The following FHIT variants were observed in gnomAD, a reference collection of about 807,000 sequenced individuals.
FHIT encodes the protein fragile histidine triad diadenosine triphosphatase.
A neutral mutation model predicts 17.9 loss-of-function variants in FHIT; 19 were observed. That is an observed-to-expected ratio of 1.06 (90% CI 0.74 to 1.56). The LOEUF is 1.56. FHIT is among the 40% of genes most tolerant of loss of function. FHIT has a pLI of 0.00. For synonymous variants in FHIT, 81 were observed against 69.7 expected, an observed-to-expected ratio of 1.16 and a Z score of -0.81; for missense variants, 248 against 189.2, an observed-to-expected ratio of 1.31 and a Z score of -1.82.
At chr3:60,292,042 A>G (rs2049847) in intron 5 of FHIT, among the ~76,000 whole-genome samples, 88,252 of 151,784 alleles carry the variant, frequency 0.58, 26,980 homozygotes, top group East Asian at 0.95. Flanking sequence ...CAGCCCTTAG[A>G]AATGACTACC....
chr3:60,525,617 G>C (rs542073200), intron 5 of FHIT, among the ~76,000 whole-genome samples: 16 of 152,278 alleles, frequency 1.1e-4, no homozygotes, highest in African/African-American at 3.6e-4. Flanking sequence ...TAACTATGTA[G>C]TCACTTTCCA....
At chr3:60,576,643 A>G (rs1259253085) in intron 4 of FHIT, among the ~76,000 whole-genome samples, 1 of 152,166 alleles carries the variant, frequency 6.6e-6, no homozygotes, top group African/African-American at 2.4e-5. Context: ...AAAAGTTCCT[A>G]TTTCAGAACA....
At chr3:60,642,506 C>T (rs1299303991) in intron 4 of FHIT, among the ~76,000 whole-genome samples, 18 of 152,134 alleles carry the variant, frequency 1.2e-4, no homozygotes, top group Non-Finnish European at 1.9e-4. Context: ...ATGGGGGAAA[C>T]GGTAAGGAGC....
intron 4 of FHIT, among the ~76,000 whole-genome samples, chr3:60,660,566 G>C (rs782619028): frequency 6.6e-6 from 1 of 151,832 alleles, no homozygotes; most frequent in Non-Finnish European, 1.5e-5. Flanking sequence ...CTCTAGGTGA[G>C]GAGATACATT....
chr3:61,059,372 CTTTTTTTTTTTT>C (rs201797361), intron 2 of FHIT, among the ~76,000 whole-genome samples: 3 of 113,280 alleles, frequency 2.6e-5, no homozygotes, highest in East Asian at 2.7e-4. Flanking sequence ...TTGCTTTTTC[CTTTTTTTTTTTT>C]TTTTTTTTTT....
chr3:60,590,177 T>C (rs1313558435), intron 4 of FHIT, among the ~76,000 whole-genome samples: 1 of 152,110 alleles, frequency 6.6e-6, no homozygotes, highest in East Asian at 1.9e-4. Flanking sequence ...AAATTTTTCT[T>C]GCTCAAGTCT....
At chr3:60,653,894 A>G (rs1577031376) in intron 4 of FHIT, among the ~76,000 whole-genome samples, 1 of 152,142 alleles carries the variant, frequency 6.6e-6, no homozygotes, top group Non-Finnish European at 1.5e-5. Flanking sequence ...GTTCCTGCCC[A>G]AATCTCTTCA....
rs1280944956 is a variant in FHIT, at chr3:60,134,128, T to C, written c.104-119976A>G. ...TGATATTAAAGAAAAGGGACAGAAG[T>C]ACTACTCAGTCACTGATCCAACTAT... is the stretch of plus-strand genomic sequence containing the variant. On this transcript the variant is annotated intron_variant, in intron 5 of 9. Transcript: ENST00000492590. Among the ~76,000 whole-genome samples, 4 of 152,100 alleles carry C rather than the reference T, an allele frequency of 2.6e-5. No individual in the cohort carries two copies. The East Asian group carries it at 7.7e-4, about 29-fold the overall frequency.
Position 60,540,420 on chromosome 3 carries a change from C to T in FHIT, c.-17-3441G>A, listed in dbSNP as rs558973504. 3.3e-5 allele frequency among the ~76,000 whole-genome samples: 5 copies of T among 152,330 alleles called. No individual in the cohort carries two copies. The South Asian group carries it at 1.0e-3, about 32-fold the overall frequency. On this transcript the variant is annotated intron_variant, in intron 4 of 9. Coordinates refer to ENST00000492590, the MANE Select transcript of FHIT (RefSeq NM_002012.4). ...TGGAAGTTCCAGAGGCCCAGACTTG[C>T]AACTGGTGTCTGAAAGTCAGGTGAC...
chr3:59,876,019 C>T (rs1027286103), intron 8 of FHIT, among the ~76,000 whole-genome samples: 2 of 151,556 alleles, frequency 1.3e-5, no homozygotes, highest in Non-Finnish European at 2.9e-5. Flanking sequence ...TTCTTTATTC[C>T]AGTATAGAGA....
At chr3:60,441,298 A>C (rs58044922) in intron 5 of FHIT, among the ~76,000 whole-genome samples, 4 of 151,932 alleles carry the variant, frequency 2.6e-5, no homozygotes, top group Non-Finnish European at 5.9e-5. Context: ...CAATGCAGGG[A>C]GTTTACTCAC....
intron 4 of FHIT, among the ~76,000 whole-genome samples, chr3:60,772,548 A>G (rs9842547): frequency 0.17 from 25,615 of 151,928 alleles, 3,284 homozygotes; most frequent in African/African-American, 0.37. Context: ...TGTCTTTAGC[A>G]TTCAAGCTGC....
intron 5 of FHIT, among the ~76,000 whole-genome samples, chr3:60,050,239 T>C (rs1053254035): frequency 3.9e-5 from 6 of 152,230 alleles, no homozygotes; most frequent in Non-Finnish European, 8.8e-5. Context: ...TCTTAGCTTG[T>C]ACTTTGTTCA....
At chr3:60,302,323 C>A (rs898366758) in intron 5 of FHIT, among the ~76,000 whole-genome samples, 2 of 152,026 alleles carry the variant, frequency 1.3e-5, no homozygotes, top group Non-Finnish European at 2.9e-5. Context: ...CTCCTCCTGG[C>A]ATATTTAATC....
At chr3:60,538,234 G>C (rs954580362) in intron 4 of FHIT, among the ~76,000 whole-genome samples, 2 of 152,124 alleles carry the variant, frequency 1.3e-5, no homozygotes, top group African/African-American at 4.8e-5. Flanking sequence ...ACTTATAAGG[G>C]ATGTGAAGGA....
chr3:59,838,970 T>C (rs578054713), intron 8 of FHIT, among the ~76,000 whole-genome samples: 126 of 152,112 alleles, frequency 8.3e-4, no homozygotes, highest in Non-Finnish European at 3.7e-4. Context: ...CTGGGTGACC[T>C]TTACTTAGGA....
intron 8 of FHIT, among the ~76,000 whole-genome samples, chr3:59,880,936 A>G (rs1450224557): frequency 2.6e-5 from 4 of 152,206 alleles, no homozygotes; most frequent in Non-Finnish European, 5.9e-5. Flanking sequence ...GAGCAATGCC[A>G]ATAAATACAG....
intron 5 of FHIT, among the ~76,000 whole-genome samples, chr3:60,448,724 G>A (rs956198944): frequency 2.6e-5 from 4 of 152,274 alleles, no homozygotes; most frequent in East Asian, 1.9e-4. Flanking sequence ...TTATGGACAC[G>A]TGCCTTTCCT....
chr3:59,961,620 C>A (rs952523230), intron 7 of FHIT, among the ~76,000 whole-genome samples: 5 of 152,246 alleles, frequency 3.3e-5, no homozygotes, highest in African/African-American at 1.2e-4. Context: ...TGGAGCGCAC[C>A]ATTCCTCAAG....
Sources: allele counts gnomAD v4.1 joint callset (sites outside exome capture counted in the v4.1 genomes callset), GRCh38; gene constraint gnomAD v4.1.1; transcripts MANE v1.5; gene names NCBI Gene and HGNC (gene_info 2026-07-23, HGNC 2026-07-21).